ADAM20: variants seen among roughly 807,000 people sequenced by gnomAD.
The protein encoded by ADAM20 is ADAM metallopeptidase domain 20, also known as disintegrin and metalloproteinase domain-containing protein 20.
For synonymous variants in ADAM20, 305 were observed against 310.2 expected, an observed-to-expected ratio of 0.98 and a Z score of 0.18; for missense variants, 871 against 883.2, an observed-to-expected ratio of 0.99 and a Z score of 0.18.
the ADAM20 span, among the ~76,000 whole-genome samples, chr14:70,542,371 A>G: frequency 2.0e-5 from 3 of 152,320 alleles, no homozygotes; most frequent in South Asian, 6.2e-4. Flanking sequence ...GCTTTCCTTT[A>G]AGGAATCAAA....
At chr14:70,570,732 T>C in the ADAM20 span, among the ~76,000 whole-genome samples, 1 of 152,006 alleles carries the variant, frequency 6.6e-6, no homozygotes, top group Non-Finnish European at 1.5e-5. Flanking sequence ...TTATAGGAAA[T>C]CAAGGACAAT....
chr14:70,570,026 TTCTCTAAATTTGACCACAAGC>T, the ADAM20 span, among the ~76,000 whole-genome samples: 509 of 151,538 alleles, frequency 3.4e-3, no homozygotes, highest in Middle Eastern at 6.8e-3. Context: ...ACATGCAACA[TTCTCTAAATTTGACCACAAGC>T]TCGGTCATAA....
intron 1 of ADAM20, among the ~76,000 whole-genome samples, chr14:70,525,787 T>C (rs535601575): frequency 6.6e-6 from 1 of 152,276 alleles, no homozygotes; most frequent in Admixed American, 6.5e-5. Flanking sequence ...ATCAAGACTT[T>C]TTAATTTTAT....
At chr14:70,573,434 G>A in the ADAM20 span, among the ~76,000 whole-genome samples, 49 of 152,298 alleles carry the variant, frequency 3.2e-4, no homozygotes, top group Non-Finnish European at 3.7e-4. Context: ...TCCAAGGGTG[G>A]GGGACGAAGA....
upstream of ADAM20, among the ~76,000 whole-genome samples, chr14:70,536,755 G>A (rs1248910167): frequency 2.0e-5 from 3 of 151,730 alleles, no homozygotes; most frequent in Non-Finnish European, 4.4e-5. Context: ...CCAGAGACAT[G>A]CCAGCCCCAA....
Position 70,524,074 on chromosome 14 carries a change from T to C in ADAM20, c.684A>G (p.Thr228=). The change falls in exon 2 of 2, where the codon ACA becomes ACG. Residue 228 remains threonine (T), a synonymous_variant. Transcript: ENST00000256389. Reference sequence around the variant, plus strand: ...CGTTAAATACTTCATGCTGCACTGTTGTTGCATTACTTTGAGAGAAAAGAT... The same window carrying C: ...CGTTAAATACTTCATGCTGCACTGTCGTTGCATTACTTTGAGAGAAAAGAT... ...IRYLFSQSNA[T]TVQHEVFNVV... The C allele has an allele frequency of 6.2e-7, 1 of 1,613,970 alleles. No individual in the cohort carries two copies.
At chr14:70,545,679 T>C in the ADAM20 span, among the ~76,000 whole-genome samples, 2 of 152,242 alleles carry the variant, frequency 1.3e-5, no homozygotes, top group African/African-American at 4.8e-5. Flanking sequence ...ATTGTAAATA[T>C]ATATGCACCT....
chr14:70,558,492 T>A, the ADAM20 span, among the ~76,000 whole-genome samples: 1 of 152,028 alleles, frequency 6.6e-6, no homozygotes, highest in Non-Finnish European at 1.5e-5. Context: ...TATGAATGTG[T>A]GTGTGTGTGT....
At chr14:70,567,598 C>T in the ADAM20 span, among the ~76,000 whole-genome samples, 1 of 152,156 alleles carries the variant, frequency 6.6e-6, no homozygotes, top group Non-Finnish European at 1.5e-5. Flanking sequence ...TTCACAGCAG[C>T]TCCATCCCTA....
chr14:70,534,336 T>C (rs1050262062), intron 1 of ADAM20, among the ~76,000 whole-genome samples: 6 of 152,092 alleles, frequency 3.9e-5, no homozygotes, highest in Non-Finnish European at 8.8e-5. Context: ...AACTACCATA[T>C]GATCTAGTAA....
the ADAM20 span, among the ~76,000 whole-genome samples, chr14:70,548,967 C>A: frequency 4.1e-4 from 43 of 104,726 alleles, no homozygotes; most frequent in Non-Finnish European, 4.3e-4. Flanking sequence ...CGGCAGAAAC[C>A]CTACAAGCCA....
At chr14:70,531,397 T>C (rs1160829926) in intron 1 of ADAM20, among the ~76,000 whole-genome samples, 2 of 152,140 alleles carry the variant, frequency 1.3e-5, no homozygotes, top group Non-Finnish European at 2.9e-5. Flanking sequence ...AGTACACAGC[T>C]AACATTGTAC....
At chr14:70,546,244 C>T in the ADAM20 span, among the ~76,000 whole-genome samples, 1 of 152,092 alleles carries the variant, frequency 6.6e-6, no homozygotes, top group African/African-American at 2.4e-5. Flanking sequence ...GCACTGTGAA[C>T]CCCCAAAATT....
chr14:70,564,198 C>T, the ADAM20 span, among the ~76,000 whole-genome samples: 7,827 of 152,304 alleles, frequency 0.051, 260 homozygotes, highest in Middle Eastern at 0.099. Flanking sequence ...CTTACACCAG[C>T]GCTGCTGAGC....
At chr14:70,537,941 C>T (rs1039571981), upstream of ADAM20, among the ~76,000 whole-genome samples, 1 of 152,130 alleles carries the variant, frequency 6.6e-6, no homozygotes, top group Non-Finnish European at 1.5e-5. Flanking sequence ...TATCCCAACC[C>T]TCCCTGTGTC....
chr14:70,559,186 G>C, the ADAM20 span, among the ~76,000 whole-genome samples: 1 of 151,514 alleles, frequency 6.6e-6, no homozygotes, highest in African/African-American at 2.4e-5. Flanking sequence ...GAATTCTTTA[G>C]CTCCCTCCTC....
In ADAM20 at chr14:70,523,802, T is replaced by C. The variant is rs755604203; in HGVS notation, c.956A>G (p.Asn319Ser). 8 of 1,613,962 alleles carry C rather than the reference T, an allele frequency of 5.0e-6. No individual in the cohort carries two copies. The South Asian group carries it at 8.8e-5, about 18-fold the overall frequency. The change falls in exon 2 of 2, where the codon AAT (asparagine) becomes AGT (serine). Residue 319 changes from asparagine (N) to serine (S), a missense_variant. Asn to Ser is a conservative substitution (Grantham distance 46). Coordinates refer to ENST00000256389, the MANE Select transcript of ADAM20 (RefSeq NM_003814.5). Reference protein sequence around the residue: ...GVAYVKGICQNPFNTGVDVFE... With the variant: ...GVAYVKGICQSPFNTGVDVFE... ...AACATCAACTCCAGTATTAAAAGGA[T>C]TCTGGCATATTCCTTTAACATAGGC...
chr14:70,536,326 CGTG>C (rs1317457256), upstream of ADAM20, among the ~76,000 whole-genome samples: 1 of 151,292 alleles, frequency 6.6e-6, no homozygotes, highest in African/African-American at 2.4e-5. Context: ...ATTAGCCAGG[CGTG>C]GTGGTGGGCA....
the ADAM20 span, among the ~76,000 whole-genome samples, chr14:70,541,933 C>G: frequency 1.3e-5 from 2 of 152,274 alleles, no homozygotes; most frequent in African/African-American, 4.8e-5. Flanking sequence ...CAATTCTTGT[C>G]TGGTTTATAT....
Sources: allele counts gnomAD v4.1 joint callset (sites outside exome capture counted in the v4.1 genomes callset), GRCh38; gene constraint gnomAD v4.1.1; transcripts MANE v1.5; gene names NCBI Gene and HGNC (gene_info 2026-07-23, HGNC 2026-07-21).